DUSP22: variants seen among roughly 807,000 people sequenced by gnomAD.
DUSP22 encodes the protein dual specificity phosphatase 22.
DUSP22 carries 24 observed loss-of-function variants against 24.5 expected under a neutral mutation model. That is an observed-to-expected ratio of 0.98 (90% CI 0.71 to 1.38). The LOEUF is 1.38. DUSP22 is among the 40% of genes most tolerant of loss of function. The pLI is 0.00. For missense variants in DUSP22, 330 were observed against 269.2 expected, an observed-to-expected ratio of 1.23 and a Z score of -1.58; for synonymous variants, 160 against 106.4, an observed-to-expected ratio of 1.50 and a Z score of -3.10.
chr6:350,606 G>A lies in DUSP22; in HGVS notation c.*1655G>A. The A allele has an allele frequency of 7.0e-7, 1 of 1,438,242 alleles. No homozygotes were observed. The highest frequency in any genetic ancestry group is 9.1e-7 in the Non-Finnish European group (1 of 1,099,056). The allele number at this position is 1,438,242 out of a possible 1,614,324, so 89.1% of individuals were successfully genotyped here. On this transcript the variant is annotated 3_prime_UTR_variant, in exon 7 of 7. Coordinates refer to ENST00000419235, the MANE Select transcript of DUSP22 (RefSeq NM_001286555.3). ...CGGATGTACACCCGGAAAGGGGAGT[G>A]TGGCTGTAGAATCATCCATCCGTCT...
At chr6:316,320 A>T (rs1283851259) in intron 3 of DUSP22, among the ~76,000 whole-genome samples, 6 of 152,422 alleles carry the variant, frequency 3.9e-5, no homozygotes, top group African/African-American at 1.4e-4. Context: ...TGCTAGTAAA[A>T]TGGCGGAAAA....
chr6:317,453 C>T (rs1345543292), intron 3 of DUSP22, among the ~76,000 whole-genome samples: 1 of 152,306 alleles, frequency 6.6e-6, no homozygotes. Context: ...TCTCTTCCCA[C>T]CCTCTCCTGC....
chr6:336,606 T>C (rs1759371452), intron 4 of DUSP22, among the ~76,000 whole-genome samples: 2 of 152,298 alleles, frequency 1.3e-5, no homozygotes, highest in Non-Finnish European at 2.9e-5. Flanking sequence ...AGTGAGGTGG[T>C]AGATCAGGAG....
Position 313,896 on chromosome 6 carries a change from G to A in DUSP22, c.138+1934G>A, listed in dbSNP as rs1392650891. ...TTTGAATTGGTGGTGCCCACATTAAGTTATAGTCTCAGAAGTTCCAAATCT... is the reference window on the plus strand; with the variant it reads ...TTTGAATTGGTGGTGCCCACATTAAATTATAGTCTCAGAAGTTCCAAATCT... On this transcript the variant is annotated intron_variant, in intron 3 of 6. Coordinates refer to ENST00000419235, the MANE Select transcript of DUSP22 (RefSeq NM_001286555.3). Among the ~76,000 whole-genome samples, 6 of 152,424 alleles carry A rather than the reference G, an allele frequency of 3.9e-5. No individual in the cohort carries two copies. In the South Asian group the frequency reaches 1.0e-3, roughly 26 times the overall value.
intron 2 of DUSP22, among the ~76,000 whole-genome samples, chr6:307,749 C>G (rs1202504140): frequency 6.6e-6 from 1 of 152,310 alleles, no homozygotes; most frequent in Non-Finnish European, 1.5e-5. Flanking sequence ...TGGGAACGCT[C>G]TTAGGTACTG....
intron 4 of DUSP22, among the ~76,000 whole-genome samples, chr6:342,486 G>A (rs1759654839): frequency 6.6e-6 from 1 of 152,308 alleles, no homozygotes; most frequent in Non-Finnish European, 1.5e-5. Context: ...CCTGCAAGGA[G>A]GGCAGGCACC....
At position 350,196 on chromosome 6, in the gene DUSP22, T is replaced by C; in HGVS notation, c.*1245T>C. 1 of 986,954 alleles carries C rather than the reference T, an allele frequency of 1.0e-6. No individual in the cohort carries two copies. The highest frequency in any genetic ancestry group is 1.2e-6 in the Non-Finnish European group (1 of 831,012). 61.1% of individuals were successfully genotyped at this position (986,954 alleles called of 1,614,324 possible). A position where few individuals can be genotyped will look rare whatever the true frequency, so the allele number is the denominator to read the frequency against. On this transcript the variant is annotated 3_prime_UTR_variant, in exon 7 of 7. Coordinates refer to ENST00000419235, the MANE Select transcript of DUSP22 (RefSeq NM_001286555.3). ...TTGCTTTTGAAACCAAAGGGGAAGG[T>C]ACCGATATCATTGAGCTATTTAAAG... is the stretch of plus-strand genomic sequence containing the variant.
chr6:311,862 C>T lies in DUSP22; in HGVS notation c.56-18C>T. The T allele has an allele frequency of 6.2e-7, 1 of 1,608,474 alleles. No individual in the cohort carries two copies. Among genetic ancestry groups the T allele is most frequent in the African/African-American group, 1.3e-5 (1 of 74,824 alleles). ...TTGCAAAGATATCAAAATGTCCATC[C>T]CCTTTCTTCTCTGACAGATGCCAGA... On this transcript the variant is annotated intron_variant, in intron 2 of 6. Coordinates refer to ENST00000419235, the MANE Select transcript of DUSP22 (RefSeq NM_001286555.3).
rs1483842587 is a variant in DUSP22 at position 295,001 on chromosome 6, G to T, written c.21+2441G>T. Among the ~76,000 whole-genome samples the T allele has an allele frequency of 2.0e-5, 3 of 152,264 alleles. No homozygotes were observed. In the South Asian group the frequency reaches 6.2e-4, roughly 31 times the overall value. On this transcript the variant is annotated intron_variant, in intron 1 of 6. Coordinates refer to ENST00000419235, the MANE Select transcript of DUSP22 (RefSeq NM_001286555.3). Reference sequence around the variant, plus strand: ...AGGTTCATTAGTGGCAAAGTAGATCGCAGGAGGCCAGTAACTTAAGAACCT... The same window carrying T: ...AGGTTCATTAGTGGCAAAGTAGATCTCAGGAGGCCAGTAACTTAAGAACCT...
intron 1 of DUSP22, among the ~76,000 whole-genome samples, chr6:293,830 A>T (rs1364701143): frequency 2.3e-5 from 3 of 133,042 alleles, no homozygotes; most frequent in African/African-American, 8.8e-5. Context: ...GCGAGTGATC[A>T]AGTTTGGAAA....
intron 3 of DUSP22, among the ~76,000 whole-genome samples, chr6:316,158 T>G (rs2873196): frequency 0.17 from 24,044 of 145,418 alleles, no homozygotes; most frequent in Admixed American, 0.24. Context: ...AGTGCCTCTA[T>G]GGCTTAACCA....
intron 4 of DUSP22, 145 bp downstream of exon 4, chr6:335,308 GA>G: frequency 9.3e-7 from 1 of 1,077,862 alleles, no homozygotes; most frequent in Non-Finnish European, 1.4e-6. Context: ...TGAGCCTACA[GA>G]GGCCAACGCT....
intron 1 of DUSP22, among the ~76,000 whole-genome samples, chr6:296,521 G>T (rs1757336184): frequency 6.6e-6 from 1 of 152,302 alleles, no homozygotes; most frequent in Non-Finnish European, 1.5e-5. Flanking sequence ...ACTAAACAGG[G>T]TGTTGCATGC....
chr6:351,045 A>G lies in DUSP22; in HGVS notation c.*2094A>G, dbSNP rs1452263321. On this transcript the variant is annotated 3_prime_UTR_variant, in exon 7 of 7. Transcript: ENST00000419235. ...AGAACTAAGGATATTCTTTAGCAAGAGAAAATATTTTCCCCTTATCCCCAC... is the reference window on the plus strand; with the variant it reads ...AGAACTAAGGATATTCTTTAGCAAGGGAAAATATTTTCCCCTTATCCCCAC... 6 of 1,008,684 alleles carry G rather than the reference A, an allele frequency of 5.9e-6. No homozygotes were observed. Among genetic ancestry groups the G allele is most frequent in the Non-Finnish European group, 8.7e-6 (6 of 691,096 alleles). 62.5% of individuals were successfully genotyped at this position (1,008,684 alleles called of 1,614,324 possible).
chr6:343,936 C>T (rs1253946506), intron 4 of DUSP22, among the ~76,000 whole-genome samples: 1 of 152,310 alleles, frequency 6.6e-6, no homozygotes, highest in East Asian at 1.9e-4. Context: ...AAAGAGAAGT[C>T]AGTTTAGTCC....
chr6:339,891 G>A (rs1462581531), intron 4 of DUSP22, among the ~76,000 whole-genome samples: 1 of 152,288 alleles, frequency 6.6e-6, no homozygotes, highest in African/African-American at 2.4e-5. Flanking sequence ...GAGCTAGTTG[G>A]GCCCTTGGAC....
intron 4 of DUSP22, among the ~76,000 whole-genome samples, chr6:344,978 A>T (rs1212795129): frequency 6.6e-6 from 1 of 152,304 alleles, no homozygotes; most frequent in East Asian, 1.9e-4. Context: ...CTCCGATTGA[A>T]CATGGGGGGC....
chr6:310,811 A>T (rs1346350491), intron 2 of DUSP22, among the ~76,000 whole-genome samples: 3 of 152,306 alleles, frequency 2.0e-5, no homozygotes, highest in Admixed American at 2.0e-4. Context: ...ACAAATGCTA[A>T]CTACAAAATG....
intron 3 of DUSP22, 128 bp from the exon 4 acceptor site, chr6:334,986 A>C: frequency 8.9e-7 from 1 of 1,123,436 alleles, no homozygotes; most frequent in Non-Finnish European, 1.3e-6. Context: ...TTGGCAACAA[A>C]AGATGAGTGA....
Sources: gnomAD v4.1 joint callset for allele counts (sites outside exome capture counted in the v4.1 genomes callset) on GRCh38, gnomAD v4.1.1 for gene constraint, MANE v1.5 for transcripts, NCBI Gene and HGNC (gene_info 2026-07-23, HGNC 2026-07-21) for gene names.